EP400: variants seen among roughly 807,000 people sequenced by gnomAD.
EP400 encodes the protein E1A binding protein p400, also known as E1A-binding protein p400.
Under a neutral mutation model 354.1 loss-of-function variants are expected in EP400, and 105 were observed. The ratio of observed to expected loss-of-function variants is 0.30; its 90% CI spans 0.25 to 0.35. The LOEUF (loss-of-function observed/expected upper bound fraction) is 0.35, where lower values mean the gene tolerates loss of function less well. Among genes scored for constraint, EP400 ranks in the 10% least tolerant of loss-of-function variants. The probability of loss-of-function intolerance (pLI) is 1.00; values close to 1 mark genes in which losing one functional copy is unlikely to be tolerated. For missense variants in EP400, 3,280 were observed against 4,121.0 expected (o/e 0.80, Z 5.59); for synonymous variants, 1,646 against 1,716.9 (o/e 0.96, Z 1.02).
At chr12:131,979,903 T>C (rs1892620988) in intron 3 of EP400, 110 bp downstream of exon 3, 1 of 834,066 alleles carries the variant, frequency 1.2e-6, no homozygotes, top group Non-Finnish European at 1.8e-6. Context: ...GGTTTCTTCC[T>C]ACTTTGAAAA....
chr12:131,999,524 C>T (rs544684488), intron 12 of EP400, among the ~76,000 whole-genome samples: 5 of 152,056 alleles, frequency 3.3e-5, no homozygotes, highest in African/African-American at 4.8e-5. Flanking sequence ...CTGCAACCTC[C>T]GCCTCCTGGG....
chr12:132,011,087 T>A, intron 15 of EP400, among the ~76,000 whole-genome samples: 1 of 152,334 alleles, frequency 6.6e-6, no homozygotes, highest in East Asian at 1.9e-4. Flanking sequence ...ACGCCTGCTG[T>A]GTGGGTGCCT....
chr12:132,073,897 C>A (rs193069040), intron 51 of EP400, among the ~76,000 whole-genome samples: 3 of 145,026 alleles, frequency 2.1e-5, no homozygotes, highest in Non-Finnish European at 4.5e-5. Context: ...TACAGAATTC[C>A]GGATTGGCAT....
chr12:132,036,232 T>TG (rs1278010885), intron 30 of EP400, among the ~76,000 whole-genome samples: 2 of 144,792 alleles, frequency 1.4e-5, no homozygotes, highest in Non-Finnish European at 3.0e-5. Context: ...CGGAACGTCA[T>TG]GGAAGGACAC....
chr12:131,993,181 T>C (rs1893100145), intron 11 of EP400, among the ~76,000 whole-genome samples: 2 of 152,274 alleles, frequency 1.3e-5, no homozygotes, highest in South Asian at 4.1e-4. Flanking sequence ...TGCGGACTAC[T>C]ACGCAGCTAA....
rs765236834 is a variant in EP400, at chr12:132,011,595, A to G, written c.3402A>G (p.Ser1134=). 22 of 1,613,726 alleles carry G rather than the reference A, an allele frequency of 1.4e-5. No homozygotes were observed. The East Asian group carries it at 4.7e-4, about 34-fold the overall frequency. ...KRWCPGLKIL[S]YIGSHRELKA... ...GGTGTCCCGGACTCAAAATCCTCTC[A>G]TATATTGGCAGCCACAGAGAACTCA... The change falls in exon 16 of 53, where the codon TCA becomes TCG. Residue 1134 remains serine, a synonymous_variant. Transcript: ENST00000389561.
chr12:131,989,377 G>T (rs1892958697), intron 7 of EP400, among the ~76,000 whole-genome samples: 1 of 152,230 alleles, frequency 6.6e-6, no homozygotes, highest in Non-Finnish European at 1.5e-5. Context: ...CACGGCGTGT[G>T]CGCAGAGTCC....
chr12:131,979,211 C>CAA (rs1227389562), intron 2 of EP400, among the ~76,000 whole-genome samples: 9 of 76,440 alleles, frequency 1.2e-4, no homozygotes, highest in Admixed American at 5.6e-4. Context: ...GACTCCGTCT[C>CAA]AAAAAAAAAA....
intron 9 of EP400, 101 bp from the exon 10 acceptor site, chr12:131,991,306 C>T: frequency 8.7e-7 from 1 of 1,151,302 alleles, no homozygotes; most frequent in African/African-American, 1.5e-5. Context: ...CTTCCTTTCC[C>T]TGCACGTGGG....
intron 14 of EP400, 56 bp from the exon 15 acceptor site, chr12:132,006,644 A>C: frequency 6.6e-7 from 1 of 1,511,014 alleles, no homozygotes; most frequent in East Asian, 2.3e-5. Flanking sequence ...TTTTGAGAAA[A>C]AGTTTGGGTG....
intron 5 of EP400, among the ~76,000 whole-genome samples, chr12:131,983,650 G>T (rs1462710209): frequency 6.6e-6 from 1 of 152,140 alleles, no homozygotes; most frequent in African/African-American, 2.4e-5. Context: ...ACTAACAAAG[G>T]AATTTCCTAG....
chr12:131,986,761 C>T lies in EP400; in HGVS notation c.2177C>T (p.Ser726Leu), dbSNP rs1224604409. 17 of 1,613,982 alleles carry T rather than the reference C, an allele frequency of 1.1e-5. No individual in the cohort carries two copies. Among genetic ancestry groups the T allele is most frequent in the East Asian group, 2.2e-5 (1 of 44,892 alleles). ...KPQSPAQNATSSQDSSQDTLT... is the reference protein window; with the variant it reads ...KPQSPAQNATLSQDSSQDTLT... ...CAGAGTCCTGCTCAGAATGCCACCTCGTCCCAAGACAGTTCTCAGGATACG... is the reference window on the plus strand; with the variant it reads ...CAGAGTCCTGCTCAGAATGCCACCTTGTCCCAAGACAGTTCTCAGGATACG... Residue 726 changes from serine to leucine, a missense_variant, in exon 6 of 53, where the codon TCG (serine) becomes TTG (leucine). By Grantham distance (145) the Ser-to-Leu change is moderately radical. Around this residue, in one of 20 missense-constraint regions of EP400, gnomAD observed 800 missense variants for 840.0 expected, o/e 0.95. Coordinates refer to ENST00000389561, the MANE Select transcript of EP400 (RefSeq NM_015409.5).
At position 132,064,818 on chromosome 12, in the gene EP400, G is replaced by C. The variant is rs1458093284; in HGVS notation, c.8485G>C (p.Val2829Leu). ...PQQQSPQLTT[V>L]TAPRPGALLT... ...GCAGCAGAGCCCCCAGCTCACGACG[G>C]TCACGGCCCCAAGGCCTGGTGCCCT... Residue 2829 changes from valine to leucine, a missense_variant, in exon 48 of 53, where the codon GTC becomes CTC. Physicochemically the swap from Val to Leu is conservative, Grantham distance 32. This residue lies in a region of EP400 where 86 missense variants were observed against 66.4 expected (regional missense o/e 1.29). Transcript: ENST00000389561. 1.9e-6 allele frequency: 3 copies of C among 1,612,438 alleles called. No homozygotes were observed. The East Asian group carries it at 6.7e-5, about 36-fold the overall frequency.
Position 132,025,401 on chromosome 12 carries a change from G to A in EP400, c.4856-245G>A, listed in dbSNP as rs1261007476. ...GCTGTGTGTCACCCACCTTCCATGA[G>A]GGACAGAGGGTAGATGGCCTTTTCT... On this transcript the variant is annotated intron_variant, in intron 24 of 52. Coordinates refer to ENST00000389561, the MANE Select transcript of EP400 (RefSeq NM_015409.5). This position sits in a 1 kb window ranked among gnomAD's most constrained non-coding sequence, Gnocchi z 4.1. 6.6e-6 allele frequency among the ~76,000 whole-genome samples: 1 copy of A among 152,198 alleles called. No homozygotes were observed. Among genetic ancestry groups the A allele is most frequent in the East Asian group, 1.9e-4 (1 of 5,196 alleles).
intron 2 of EP400, among the ~76,000 whole-genome samples, chr12:131,967,346 A>C (rs1282326748): frequency 6.6e-6 from 1 of 151,692 alleles, no homozygotes; most frequent in Non-Finnish European, 1.5e-5. Flanking sequence ...ATGCCACTGC[A>C]CTCCAGCCTG....
chr12:131,999,011 T>C (rs1376529546), intron 12 of EP400, among the ~76,000 whole-genome samples: 1 of 151,560 alleles, frequency 6.6e-6, no homozygotes, highest in African/African-American at 2.4e-5. Flanking sequence ...CGTTTTGTGC[T>C]AGGTAGGACT....
chr12:131,960,991 G>A lies in EP400; in HGVS notation c.372G>A (p.Thr124=), dbSNP rs149663682. The A allele has an allele frequency of 4.0e-4, 641 of 1,605,184 alleles. No homozygotes were observed. The African/African-American group carries it at 7.8e-3, about 19-fold the overall frequency. The change falls in exon 2 of 53, where the codon ACG becomes ACA. Residue 124 remains threonine, a synonymous_variant. Coordinates refer to ENST00000389561, the MANE Select transcript of EP400 (RefSeq NM_015409.5). The stretch of plus-strand genomic sequence containing the variant: ...GGTCTCCATCATACATTCAGGTCAC[G>A]TCCCCCTTGTCCCAGCAGGTCCAGA... ...EHGSPSYIQV[T]SPLSQQVQTQ... is the part of the protein sequence containing the mutation.
At chr12:131,960,189 T>G (rs966988994) in intron 1 of EP400, among the ~76,000 whole-genome samples, 11 of 152,220 alleles carry the variant, frequency 7.2e-5, no homozygotes, top group African/African-American at 2.7e-4. Context: ...TGCGTGGCCT[T>G]GAACAGCTCA....
In EP400 at chr12:132,013,332, A is replaced by G. The variant is rs753371863; in HGVS notation, c.3611+154A>G. 3.9e-5 allele frequency among the ~76,000 whole-genome samples: 6 copies of G among 152,296 alleles called. No individual in the cohort carries two copies. Among genetic ancestry groups the G allele is most frequent in the Non-Finnish European group, 7.3e-5 (5 of 68,052 alleles). On this transcript the variant is annotated intron_variant, in intron 17 of 52. Transcript: ENST00000389561. The surrounding 1 kb of genome is among the most constrained non-coding windows in gnomAD (Gnocchi z 4.5). The stretch of plus-strand genomic sequence containing the variant: ...CCCAGCACATGGGCCAGAGAGCCCC[A>G]GAGCTGGGTCAGTGCAGCCCCCCTT...
Sources: allele counts gnomAD v4.1 joint callset (sites outside exome capture counted in the v4.1 genomes callset), GRCh38; gene constraint gnomAD v4.1.1; regional missense constraint gnomAD v4.1.1; non-coding constraint Gnocchi (gnomAD v3.1); transcripts MANE v1.5; gene names NCBI Gene and HGNC (gene_info 2026-07-23, HGNC 2026-07-21).